Variants in ANXA4 observed in about 807,000 individuals in gnomAD.
The protein encoded by ANXA4 is 35-beta calcimedin.
A neutral mutation model predicts 49.8 loss-of-function variants in ANXA4; 39 were observed. The observed-to-expected ratio is 0.78, with a 90% CI of 0.61 to 1.02. The LOEUF (loss-of-function observed/expected upper bound fraction) is 1.02, where lower values mean the gene tolerates loss of function less well. Among genes scored for constraint, ANXA4 ranks in the 50% least tolerant of loss-of-function variants. The pLI, the probability that ANXA4 is intolerant of heterozygous loss-of-function variation, is 0.00. For missense variants in ANXA4, 360 were observed against 410.1 expected (o/e 0.88, Z 1.05); for synonymous variants, 134 against 152.5 (o/e 0.88, Z 0.89).
intron 1 of ANXA4, among the ~76,000 whole-genome samples, chr2:69,756,403 G>A (rs1671041142): frequency 6.6e-6 from 1 of 152,168 alleles, no homozygotes; most frequent in African/African-American, 2.4e-5. Context: ...AATGAAAGGG[G>A]TGGGAGAAAA....
intron 3 of ANXA4, among the ~76,000 whole-genome samples, chr2:69,797,881 G>T (rs1673009409): frequency 6.6e-6 from 1 of 152,192 alleles, no homozygotes; most frequent in African/African-American, 2.4e-5. Context: ...TTAGCAAAGG[G>T]CAGACAAGAT....
chr2:69,799,713 G>A (rs1353283030), intron 3 of ANXA4, among the ~76,000 whole-genome samples: 1 of 152,108 alleles, frequency 6.6e-6, no homozygotes, highest in Non-Finnish European at 1.5e-5. Flanking sequence ...CAAACTACCT[G>A]GCCTAGCCTC....
chr2:69,788,993 A>C (rs1322629502), intron 3 of ANXA4, among the ~76,000 whole-genome samples: 2 of 152,168 alleles, frequency 1.3e-5, no homozygotes, highest in African/African-American at 4.8e-5. Context: ...TTTAATAAAG[A>C]ATGATAAATT....
chr2:69,644,910 G>C (rs184089943), intron 1 of ANXA4: 1 of 152,352 alleles, frequency 6.6e-6, no homozygotes, highest in East Asian at 1.9e-4. Context: ...TGGAAGGTCA[G>C]TTGGTACACT....
intron 2 of ANXA4, among the ~76,000 whole-genome samples, chr2:69,660,712 T>C (rs1370346277): frequency 6.8e-6 from 1 of 146,216 alleles, no homozygotes; most frequent in Non-Finnish European, 1.5e-5. Context: ...TAAGACACAA[T>C]TAAAGAGAAA....
At chr2:69,821,653 T>C (rs1573323024) in intron 12 of ANXA4, among the ~76,000 whole-genome samples, 1 of 152,136 alleles carries the variant, frequency 6.6e-6, no homozygotes, top group South Asian at 2.1e-4. Flanking sequence ...CGTTTCACCA[T>C]GTTGGCCAGG....
intron 2 of ANXA4, among the ~76,000 whole-genome samples, chr2:69,686,460 G>T (rs551069907): frequency 1.8e-4 from 28 of 152,096 alleles, no homozygotes; most frequent in Non-Finnish European, 4.4e-5. Flanking sequence ...GTGAGCCACC[G>T]CACCTGGCCT....
chr2:69,651,877 G>A (rs1464537519), intron 1 of ANXA4, among the ~76,000 whole-genome samples: 14 of 142,848 alleles, frequency 9.8e-5, no homozygotes, highest in African/African-American at 3.4e-4. Context: ...GTGCAGTGGC[G>A]TGATCTCAGC....
At chr2:69,681,946 C>G (rs530112056) in intron 2 of ANXA4, among the ~76,000 whole-genome samples, 1 of 152,178 alleles carries the variant, frequency 6.6e-6, no homozygotes, top group South Asian at 2.1e-4. Context: ...AAGTGAACCT[C>G]CCACTTTAGC....
chr2:69,787,172 C>T (rs1047710838), intron 2 of ANXA4, among the ~76,000 whole-genome samples: 2 of 152,184 alleles, frequency 1.3e-5, no homozygotes, highest in African/African-American at 4.8e-5. Flanking sequence ...CATTCTTATA[C>T]CTAAAAATGT....
In ANXA4 at chr2:69,647,388, TTTTATTTA is replaced by T. The variant is rs199943902; in HGVS notation, n.481+2511_481+2518del. Among the ~76,000 whole-genome samples, 203 of 146,008 alleles carry T rather than the reference TTTTATTTA, an allele frequency of 1.4e-3. 2 individuals are homozygous for T. The East Asian group carries it at 0.027, about 19-fold the overall frequency. On this transcript the variant is annotated intron_variant and non_coding_transcript_variant, in intron 1 of 3. Coordinates refer to the ANXA4 transcript ENST00000418066. ...ATATTGTTTTATTGTTTTATTTTTA[TTTTATTTA>T]TTTATTTATTTATTTATTTATTTAT...
At chr2:69,782,759 G>C (rs1672252977) in intron 2 of ANXA4, among the ~76,000 whole-genome samples, 1 of 152,208 alleles carries the variant, frequency 6.6e-6, no homozygotes, top group Non-Finnish European at 1.5e-5. Context: ...TCTTCAGCAG[G>C]CTCACAGCTT....
chr2:69,670,861 G>A (rs892796059), intron 2 of ANXA4, among the ~76,000 whole-genome samples: 2 of 151,544 alleles, frequency 1.3e-5, no homozygotes, highest in African/African-American at 4.8e-5. Flanking sequence ...CCCTGTCTCT[G>A]CCAAAAATAC....
chr2:69,734,140 T>A (rs1044152430), intron 3 of ANXA4, among the ~76,000 whole-genome samples: 3 of 152,192 alleles, frequency 2.0e-5, no homozygotes, highest in Non-Finnish European at 4.4e-5. Flanking sequence ...CTGGCAAAGT[T>A]TCTTCTCAAG....
In ANXA4 at chr2:69,818,679, G is replaced by A; in HGVS notation, c.709G>A (p.Ala237Thr). The A allele has an allele frequency of 6.2e-7, 1 of 1,607,604 alleles. No homozygotes were observed. The highest frequency in any genetic ancestry group is 8.5e-7 in the Non-Finnish European group (1 of 1,175,750). ...TGAAACATCTGGTAGCTTTGAAGAT[G>A]CTCTGCTGGCTATAGGTAAGCTGGT... ...KSETSGSFEDALLAIVKCMRN... is the reference protein window; with the variant it reads ...KSETSGSFEDTLLAIVKCMRN... The change falls in exon 10 of 13, where the codon GCT (alanine) becomes ACT (threonine). Residue 237 changes from alanine (A) to threonine (T), a missense_variant. Physicochemically the swap from Ala to Thr is moderately conservative, Grantham distance 58 (BLOSUM62 0). Coordinates refer to ENST00000394295, the MANE Select transcript of ANXA4 (RefSeq NM_001153.5).
At chr2:69,646,352 A>G (rs1676009522) in intron 1 of ANXA4, among the ~76,000 whole-genome samples, 1 of 152,260 alleles carries the variant, frequency 6.6e-6, no homozygotes, top group African/African-American at 2.4e-5. Context: ...CCTCAAAGCC[A>G]GAGAACCATC....
intron 1 of ANXA4, chr2:69,781,225 T>C (rs1042395401): frequency 2.5e-6 from 1 of 393,732 alleles, no homozygotes; most frequent in Non-Finnish European, 4.7e-6. Context: ...CCAGCTTGAG[T>C]ACAAGTATTG....
chr2:69,816,221 G>A (rs777690277), intron 9 of ANXA4, 27 bp downstream of exon 9: 43 of 1,595,244 alleles, frequency 2.7e-5, no homozygotes, highest in Non-Finnish European at 3.3e-5. Context: ...ATTTCCCAAA[G>A]AAAAGGAGTG....
intron 10 of ANXA4, among the ~76,000 whole-genome samples, chr2:69,818,947 C>G (rs1674117101): frequency 6.6e-6 from 1 of 152,182 alleles, no homozygotes; most frequent in Non-Finnish European, 1.5e-5. Flanking sequence ...TGCAGATATA[C>G]AGGCTGCAGC....
Sources: gnomAD v4.1 joint callset for allele counts (sites outside exome capture counted in the v4.1 genomes callset) on GRCh38, gnomAD v4.1.1 for gene constraint, MANE v1.5 for transcripts, NCBI Gene and HGNC (gene_info 2026-07-23, HGNC 2026-07-21) for gene names.